The following MAP3K11 variants were observed in gnomAD, a reference collection of about 807,000 sequenced individuals.
MAP3K11 encodes mitogen-activated protein kinase kinase kinase 11, also known as SH3 domain-containing proline-rich kinase.
MAP3K11 carries 46 observed loss-of-function variants against 84.9 expected under a neutral mutation model. The observed-to-expected ratio is 0.54, with a 90% confidence interval of 0.43 to 0.69. The LOEUF (loss-of-function observed/expected upper bound fraction) is 0.69, where lower values mean the gene tolerates loss of function less well. MAP3K11 is among the 30% of genes least tolerant of loss of function. MAP3K11 has a pLI of 0.00. For synonymous variants in MAP3K11, 527 were observed against 514.7 expected, an observed-to-expected ratio of 1.02 and a Z score of -0.32; for missense variants, 1,053 against 1,198.3, an observed-to-expected ratio of 0.88 and a Z score of 1.79.
chr11:65,607,485 G>C lies in MAP3K11; in HGVS notation c.1274C>G (p.Thr425Arg), dbSNP rs769708799. The C allele has an allele frequency of 1.3e-6, 2 of 1,572,028 alleles. No homozygotes were observed. The highest frequency in any genetic ancestry group is 1.7e-6 in the Non-Finnish European group (2 of 1,167,602). Reference sequence around the variant, plus strand: ...TGACCGCTGCTCGCGCGCCGCTCGCGTCAGCTCCTCCTCGCGGCTCAGTAG... The same window carrying C: ...TGACCGCTGCTCGCGCGCCGCTCGCCTCAGCTCCTCCTCGCGGCTCAGTAG... ...KELLSREEEL[T>R]RAAREQRSQA... The change falls in exon 5 of 10, where the codon ACG becomes AGG. Residue 425 changes from threonine (T) to arginine (R), a missense_variant. Physicochemically the swap from Thr to Arg is moderately conservative, Grantham distance 71 (BLOSUM62 -1). Transcript: ENST00000309100.
At position 65,606,650 on chromosome 11, in the gene MAP3K11, G is replaced by C. The variant is rs1208831486; in HGVS notation, c.1603+41C>G. 2.8e-6 allele frequency: 4 copies of C among 1,410,972 alleles called. No homozygotes were observed. In the South Asian group the frequency reaches 5.1e-5, roughly 18 times the overall value. 87.4% of individuals were successfully genotyped at this position (1,410,972 alleles called of 1,614,324 possible). A position where few individuals can be genotyped will look rare whatever the true frequency, so the allele number is the denominator to read the frequency against. On this transcript the variant is annotated intron_variant, in intron 6 of 9. Coordinates refer to ENST00000309100, the MANE Select transcript of MAP3K11 (RefSeq NM_002419.4). ...AATAAGGTCTGACAGAGAATAAGGA[G>C]CTGGGGGGCGGAGAGGGGCATGAGA...
In MAP3K11 at chr11:65,599,413, T is replaced by C; in HGVS notation, c.2187A>G (p.Arg729=). 1 of 1,532,638 alleles carries C rather than the reference T, an allele frequency of 6.5e-7. No individual in the cohort carries two copies. Among genetic ancestry groups the C allele is most frequent in the Non-Finnish European group, 8.7e-7 (1 of 1,150,542 alleles). The allele number at this position is 1,532,638 out of a possible 1,614,324, so 94.9% of individuals were successfully genotyped here. Residue 729 remains arginine, a synonymous_variant, in exon 9 of 10, where the codon CGA becomes CGG. Coordinates refer to ENST00000309100, the MANE Select transcript of MAP3K11 (RefSeq NM_002419.4). ...ACTCACCGCGGGGCTCCTCCTCACG[T>C]CGGGGGCTCTTGGCTGACCGCTGGC... The part of the protein sequence containing the change: ...PVGQRSAKSP[R]REEEPRGGTV...
Position 65,607,509 on chromosome 11 carries a change from AGTTCCTGCGCCC to A in MAP3K11, c.1246-8_1249del. ...CGTCAGCTCCTCCTCGCGGCTCAGT[AGTTCCTGCGCCC>A]GAGACAGCGATGGTGGAGAGGTCAG... On this transcript the variant is annotated splice_acceptor_variant and splice_polypyrimidine_tract_variant and coding_sequence_variant and intron_variant, in exon 5 of 10. Transcript: ENST00000309100. LOFTEE classifies it high-confidence loss of function. 1 of 1,569,302 alleles carries A rather than the reference AGTTCCTGCGCCC, an allele frequency of 6.4e-7. No homozygotes were observed. Among genetic ancestry groups the A allele is most frequent in the Non-Finnish European group, 8.6e-7 (1 of 1,165,438 alleles).
chr11:65,605,989 A>G lies in MAP3K11; in HGVS notation c.1696T>C (p.Trp566Arg), dbSNP rs1565143965. The G allele has an allele frequency of 6.2e-7, 1 of 1,602,360 alleles. No homozygotes were observed. The highest frequency in any genetic ancestry group is 1.7e-5 in the Admixed American group (1 of 57,678). The change falls in exon 7 of 10, where the codon TGG becomes CGG. Residue 566 changes from tryptophan to arginine, a missense_variant. Physicochemically the swap from Trp to Arg is moderately radical, Grantham distance 101. This residue lies in a region of MAP3K11 where 583 missense variants were observed against 566.6 expected (regional missense o/e 1.03). Coordinates refer to ENST00000309100, the MANE Select transcript of MAP3K11 (RefSeq NM_002419.4). ...CCAGGCTTGGGGGAACTGGGACCCC[A>G]AGCCCAGCATGCTCGCCGCTCTCCA... ...SNGERRACWA[W>R]GPSSPKPGEA... is the part of the protein sequence containing the mutation.
Position 65,613,318 on chromosome 11 carries a change from G to A in MAP3K11, c.439C>T (p.Arg147Cys), listed in dbSNP as rs565087687. Reference sequence around the variant, plus strand: ...CTGATGTCCTCATCGGGGTCCTGGCGAGCTGCCTTCACAGCCACCAGCTCA... The same window carrying A: ...CTGATGTCCTCATCGGGGTCCTGGCAAGCTGCCTTCACAGCCACCAGCTCA... ...RGELVAVKAARQDPDEDISVT... is the reference protein window; with the variant it reads ...RGELVAVKAACQDPDEDISVT... The change falls in exon 1 of 10, where the codon CGC becomes TGC. Residue 147 changes from arginine to cysteine, a missense_variant. Arg to Cys is a radical substitution (Grantham distance 180, BLOSUM62 -3). Transcript: ENST00000309100. The A allele has an allele frequency of 1.9e-6, 3 of 1,613,076 alleles. No homozygotes were observed. Among genetic ancestry groups the A allele is most frequent in the East Asian group, 2.2e-5 (1 of 44,872 alleles).
chr11:65,601,673 A>G (rs1259905764), intron 8 of MAP3K11, among the ~76,000 whole-genome samples: 1 of 151,478 alleles, frequency 6.6e-6, no homozygotes, highest in Non-Finnish European at 1.5e-5. Flanking sequence ...GGAGAATGGC[A>G]TGAACCCAGG....
At chr11:65,603,511 C>T (rs745592257) in intron 8 of MAP3K11, among the ~76,000 whole-genome samples, 1 of 152,214 alleles carries the variant, frequency 6.6e-6, no homozygotes, top group Non-Finnish European at 1.5e-5. Flanking sequence ...CCAGAACAGC[C>T]CACTGGGGAC....
intron 8 of MAP3K11, 117 bp downstream of exon 8, chr11:65,605,644 T>C: frequency 4.2e-6 from 3 of 715,098 alleles, no homozygotes; most frequent in Non-Finnish European, 6.7e-6. Flanking sequence ...TCCTAGTCTC[T>C]AGAATGAGAG....
At position 65,598,339 on chromosome 11, in the gene MAP3K11, G is replaced by C. The variant is rs1854407304; in HGVS notation, c.2496C>G (p.Thr832=). 4 of 1,509,832 alleles carry C rather than the reference G, an allele frequency of 2.6e-6. No homozygotes were observed. Among genetic ancestry groups the C allele is most frequent in the South Asian group, 1.3e-5 (1 of 75,074 alleles). 93.5% of individuals were successfully genotyped at this position (1,509,832 alleles called of 1,614,324 possible). ...QGGPQDCRAQ[T]KDMGAQAPWV... is the part of the protein sequence containing the mutation. Reference sequence around the variant, plus strand: ...ACGGGGCCTGGGCACCCATGTCTTTGGTCTGTGCCCTGCAGTCCTGGGGGC... The same window carrying C: ...ACGGGGCCTGGGCACCCATGTCTTTCGTCTGTGCCCTGCAGTCCTGGGGGC... The change falls in exon 10 of 10, where the codon ACC becomes ACG. Residue 832 remains threonine (T), a synonymous_variant. Transcript: ENST00000309100.
chr11:65,613,730 G>C lies in MAP3K11; in HGVS notation c.27C>G (p.Leu9=). ...CATTCCATGACCCTAGAGGGCTCTT[G>C]AGGAAGAGGCTCTTCAAGGGCTCCA... MEPLKSLF[L]KSPLGSWNGS... is the part of the protein sequence containing the mutation. The change falls in exon 1 of 10, where the codon CTC becomes CTG. Residue 9 remains leucine (L), a synonymous_variant. Coordinates refer to ENST00000309100, the MANE Select transcript of MAP3K11 (RefSeq NM_002419.4). 6.3e-7 allele frequency: 1 copy of C among 1,581,222 alleles called. No individual in the cohort carries two copies. The highest frequency in any genetic ancestry group is 2.0e-4 in the Middle Eastern group (1 of 5,032).
intron 8 of MAP3K11, among the ~76,000 whole-genome samples, chr11:65,603,100 C>T (rs777064845): frequency 1.3e-5 from 2 of 152,104 alleles, no homozygotes; most frequent in Non-Finnish European, 2.9e-5. Flanking sequence ...GAGACTCTAT[C>T]TTTAAAAAAA....
Position 65,605,983 on chromosome 11 carries a change from G to T in MAP3K11, c.1702C>A (p.Pro568Thr). 2 of 1,601,830 alleles carry T rather than the reference G, an allele frequency of 1.2e-6. No homozygotes were observed. ...GCTTCCCCAGGCTTGGGGGAACTGG[G>T]ACCCCAAGCCCAGCATGCTCGCCGC... ...GERRACWAWG[P>T]SSPKPGEAQN... The change falls in exon 7 of 10, where the codon CCC becomes ACC. Residue 568 changes from proline (P) to threonine (T), a missense_variant. Around this residue, in one of 3 missense-constraint regions of MAP3K11, gnomAD observed 583 missense variants for 566.6 expected, o/e 1.03. Transcript: ENST00000309100.
intron 8 of MAP3K11, among the ~76,000 whole-genome samples, chr11:65,601,372 T>C (rs1041920517): frequency 6.6e-6 from 1 of 152,214 alleles, no homozygotes; most frequent in African/African-American, 2.4e-5. Flanking sequence ...TTATGCCTCA[T>C]AGAGGTGCTA....
In MAP3K11 at chr11:65,603,828, A is replaced by G. The variant is rs139631977; in HGVS notation, c.1831+1933T>C. On this transcript the variant is annotated intron_variant, in intron 8 of 9. Coordinates refer to ENST00000309100, the MANE Select transcript of MAP3K11 (RefSeq NM_002419.4). ...TGAGGCCGACATACTTATCAAGAAC[A>G]GTAACTACCATGGTTTCCAGTGCTT... Among the ~76,000 whole-genome samples the G allele has an allele frequency of 2.3e-3, 343 of 152,392 alleles. 1 individual carries two copies. Among genetic ancestry groups the G allele is most frequent in the African/African-American group, 7.8e-3 (325 of 41,602 alleles).
Position 65,598,534 on chromosome 11 carries a change from A to T in MAP3K11, c.2301T>A (p.Pro767=). 1 of 1,611,990 alleles carries T rather than the reference A, an allele frequency of 6.2e-7. No individual in the cohort carries two copies. The highest frequency in any genetic ancestry group is 8.5e-7 in the Non-Finnish European group (1 of 1,179,054). The stretch of plus-strand genomic sequence containing the variant: ...TGCGGCTGCGAAGGGGCGAGGGCCG[A>T]GGTCGGCTGATGAGGCCCAGGGGTG... The part of the protein sequence containing the change: ...RSPPLGLISR[P]RPSPLRSRID... The change falls in exon 10 of 10, where the codon CCT becomes CCA. Residue 767 remains proline (P), a synonymous_variant. Coordinates refer to ENST00000309100, the MANE Select transcript of MAP3K11 (RefSeq NM_002419.4).
At chr11:65,608,631 TC>T (rs1854540185) in intron 1 of MAP3K11, 183 bp from the exon 2 acceptor site, 1 of 585,620 alleles carries the variant, frequency 1.7e-6, no homozygotes, top group Admixed American at 3.2e-5. Context: ...TTTTTTTTTT[TC>T]TTAAGATAGA....
At chr11:65,606,431 AATT>A (rs1854508682) in intron 6 of MAP3K11, 1 of 426,062 alleles carries the variant, frequency 2.3e-6, no homozygotes, top group African/African-American at 2.1e-5. Flanking sequence ...TACCAAATAG[AATT>A]ATTGCAAGAA....
intron 2 of MAP3K11, 32 bp downstream of exon 2, chr11:65,608,236 A>G (rs1196914596): frequency 1.2e-6 from 2 of 1,606,506 alleles, no homozygotes; most frequent in Non-Finnish European, 1.7e-6. Flanking sequence ...GCAGCCCCGT[A>G]GCAGCCCGTC....
intron 1 of MAP3K11, chr11:65,612,315 G>GCCCAGCACTCCCATCCCAAGCA (rs1485667021): frequency 6.6e-6 from 1 of 152,240 alleles, no homozygotes; most frequent in Non-Finnish European, 1.5e-5. Context: ...GTCTCCCTTA[G>GCCCAGCACTCCCATCCCAAGCA]CCCAGCACTC....
Sources: gnomAD v4.1 joint callset for allele counts (sites outside exome capture counted in the v4.1 genomes callset) on GRCh38, gnomAD v4.1.1 for gene constraint, gnomAD v4.1.1 regional missense constraint, MANE v1.5 for transcripts, NCBI Gene and HGNC (gene_info 2026-07-23, HGNC 2026-07-21) for gene names.